Variants in PCDHGA6 observed in about 807,000 individuals in gnomAD.
PCDHGA6 encodes protocadherin gamma-A6.
A neutral mutation model predicts 60.6 loss-of-function variants in PCDHGA6; 41 were observed. The ratio of observed to expected loss-of-function variants is 0.68; its 90% confidence interval spans 0.53 to 0.88. PCDHGA6 has a LOEUF of 0.88. PCDHGA6 is among the 40% of genes least tolerant of loss of function. The pLI, the probability that PCDHGA6 is intolerant of heterozygous loss-of-function variation, is 0.00. For missense variants in PCDHGA6, 1,312 were observed against 1,203.0 expected (o/e 1.09, Z -1.34); for synonymous variants, 594 against 524.4 (o/e 1.13, Z -1.81).
intron 1 of PCDHGA6, chr5:141,429,173 C>CA (rs1561839883): frequency 7.9e-6 from 1 of 125,872 alleles, no homozygotes; most frequent in Non-Finnish European, 1.7e-5. Flanking sequence ...TGTTTATACA[C>CA]ACACACACAC....
chr5:141,445,249 G>T (rs1337658576), intron 1 of PCDHGA6, among the ~76,000 whole-genome samples: 2 of 152,170 alleles, frequency 1.3e-5, no homozygotes, highest in Non-Finnish European at 2.9e-5. Context: ...ACTATATTGT[G>T]TGAGAATATA....
In PCDHGA6 at chr5:141,432,752, G is replaced by C. The variant is rs1407361813; in HGVS notation, c.2424+56245G>C. On this transcript the variant is annotated intron_variant, in intron 1 of 3. Coordinates refer to ENST00000517434, the MANE Select transcript of PCDHGA6 (RefSeq NM_018919.3). The surrounding 1 kb of genome is among the most constrained non-coding windows in gnomAD (Gnocchi z 6.0). Reference sequence around the variant, plus strand: ...CACTGTCACGCTCACCGTGGCCGTGGCCGACAGCATCCCCCAAGTCCTGGC... The same window carrying C: ...CACTGTCACGCTCACCGTGGCCGTGCCCGACAGCATCCCCCAAGTCCTGGC... 9.3e-6 allele frequency: 15 copies of C among 1,614,024 alleles called. No individual in the cohort carries two copies. The highest frequency in any genetic ancestry group is 1.3e-5 in the Non-Finnish European group (15 of 1,180,008).
At chr5:141,473,733 G>A (rs943072050) in intron 1 of PCDHGA6, among the ~76,000 whole-genome samples, 19 of 152,214 alleles carry the variant, frequency 1.2e-4, no homozygotes, top group Admixed American at 3.9e-4. Flanking sequence ...GAGAGAGGGA[G>A]AAGACATGAG....
chr5:141,399,908 C>G (rs141997055), intron 1 of PCDHGA6: 2 of 1,612,300 alleles, frequency 1.2e-6, no homozygotes, highest in African/African-American at 1.3e-5. Context: ...GACGCAGACT[C>G]AGGACACAAC....
In PCDHGA6 at chr5:141,486,092, C is replaced by A; in HGVS notation, c.2425-8715C>A. Reference sequence around the variant, plus strand: ...TACTGGAAAGCTTACTCTTTTGGGGCCCCTAGACTTTGAGAGTGAGAATTA... The same window carrying A: ...TACTGGAAAGCTTACTCTTTTGGGGACCCTAGACTTTGAGAGTGAGAATTA... On this transcript the variant is annotated intron_variant, in intron 1 of 3. Coordinates refer to ENST00000517434, the MANE Select transcript of PCDHGA6 (RefSeq NM_018919.3). The surrounding 1 kb of genome is among the most constrained non-coding windows in gnomAD (Gnocchi z 5.0). 1.9e-6 allele frequency: 3 copies of A among 1,614,148 alleles called. No individual in the cohort carries two copies. Among genetic ancestry groups the A allele is most frequent in the Non-Finnish European group, 2.5e-6 (3 of 1,180,008 alleles).
chr5:141,434,924 A>G (rs2097731722), intron 1 of PCDHGA6, among the ~76,000 whole-genome samples: 1 of 151,756 alleles, frequency 6.6e-6, no homozygotes, highest in African/African-American at 2.4e-5. Context: ...ATGTACATAT[A>G]TTTTATATAA....
At chr5:141,449,156 G>T (rs4432943) in intron 1 of PCDHGA6, among the ~76,000 whole-genome samples, 84,481 of 151,978 alleles carry the variant, frequency 0.56, 26,202 homozygotes, top group African/African-American at 0.85. Context: ...GGTCAAAGAG[G>T]AAATAGGTGT....
At chr5:141,401,833 TATA>T (rs947293983) in intron 1 of PCDHGA6, among the ~76,000 whole-genome samples, 12 of 152,238 alleles carry the variant, frequency 7.9e-5, no homozygotes, top group African/African-American at 2.9e-4. Context: ...TGAGATTTCT[TATA>T]ATACCACTTA....
intron 1 of PCDHGA6, chr5:141,408,968 C>T (rs752629281): frequency 6.2e-7 from 1 of 1,613,702 alleles, no homozygotes; most frequent in Non-Finnish European, 8.5e-7. Context: ...TGAAAATCTG[C>T]CCCCTGGGTC....
At chr5:141,435,803 T>C (rs551682061) in intron 1 of PCDHGA6, among the ~76,000 whole-genome samples, 1 of 152,178 alleles carries the variant, frequency 6.6e-6, no homozygotes, top group South Asian at 2.1e-4. Context: ...ACGTCCCAAT[T>C]ATTTTTTCTT....
chr5:141,404,758 T>C, intron 1 of PCDHGA6: 1 of 1,613,742 alleles, frequency 6.2e-7, no homozygotes, highest in Non-Finnish European at 8.5e-7. Flanking sequence ...GCCAGAATGC[T>C]TGGCTCTCCT....
chr5:141,469,868 C>T (rs749624047), intron 1 of PCDHGA6, among the ~76,000 whole-genome samples: 6 of 152,228 alleles, frequency 3.9e-5, no homozygotes, highest in Non-Finnish European at 7.3e-5. Flanking sequence ...CAATGGCTCA[C>T]GCCTGTAATC....
At chr5:141,451,224 C>G (rs2098710956) in intron 1 of PCDHGA6, among the ~76,000 whole-genome samples, 1 of 152,170 alleles carries the variant, frequency 6.6e-6, no homozygotes, top group South Asian at 2.1e-4. Flanking sequence ...TTAAAAGAAG[C>G]ATTTATTATC....
At chr5:141,378,810 A>G (rs920121754) in intron 1 of PCDHGA6, 1 of 152,256 alleles carries the variant, frequency 6.6e-6, no homozygotes, top group Non-Finnish European at 1.5e-5. Context: ...TGCAAACAGA[A>G]TCATTGTTTC....
In PCDHGA6 at chr5:141,511,032, G is replaced by C. The variant is rs779589499; in HGVS notation, c.2658G>C (p.Gln886His). Residue 886 changes from glutamine to histidine, a missense_variant, in exon 4 of 4, where the codon CAG (glutamine) becomes CAC (histidine). Gln to His is a conservative substitution (Grantham distance 24). Coordinates refer to ENST00000517434, the MANE Select transcript of PCDHGA6 (RefSeq NM_018919.3). ...SARYGPQFTL[Q>H]HVPDYRQNVY... ...GCTACGGACCCCAGTTCACCCTGCA[G>C]CACGTGCCCGACTACCGCCAGAATG... 6.2e-7 allele frequency: 1 copy of C among 1,614,228 alleles called. No individual in the cohort carries two copies. The highest frequency in any genetic ancestry group is 8.5e-7 in the Non-Finnish European group (1 of 1,180,036).
chr5:141,425,528 C>T (rs2096881702), intron 1 of PCDHGA6, among the ~76,000 whole-genome samples: 1 of 152,200 alleles, frequency 6.6e-6, no homozygotes, highest in African/African-American at 2.4e-5. Context: ...AAACATGAAA[C>T]AATAATCCTT....
At chr5:141,413,570 A>C in intron 1 of PCDHGA6, 1 of 1,613,930 alleles carries the variant, frequency 6.2e-7, no homozygotes. Context: ...GATATCAATG[A>C]CAATGCTCCA....
At chr5:141,389,578 TG>T (rs1314978831) in intron 1 of PCDHGA6, 1 of 1,613,236 alleles carries the variant, frequency 6.2e-7, no homozygotes, top group South Asian at 1.1e-5. Context: ...TACCCCGCGC[TG>T]GGTCCCGACG....
intron 2 of PCDHGA6, among the ~76,000 whole-genome samples, chr5:141,503,334 C>T (rs2099819255): frequency 6.6e-6 from 1 of 152,072 alleles, no homozygotes; most frequent in Admixed American, 6.6e-5. Context: ...CGGTGGCTCA[C>T]GCCTGTAATT....
Sources: allele counts gnomAD v4.1 joint callset (sites outside exome capture counted in the v4.1 genomes callset), GRCh38; gene constraint gnomAD v4.1.1; non-coding constraint Gnocchi (gnomAD v3.1); transcripts MANE v1.5; gene names NCBI Gene and HGNC (gene_info 2026-07-23, HGNC 2026-07-21).